Variants in HMGA2 observed in about 807,000 individuals in gnomAD.
The protein encoded by HMGA2 is high mobility group protein HMGI-C.
HMGA2 carries 8 observed loss-of-function variants against 19.1 expected under a neutral mutation model. That is an observed-to-expected ratio of 0.42 (90% confidence interval 0.25 to 0.76). The LOEUF (loss-of-function observed/expected upper bound fraction) is 0.76. Among genes scored for constraint, HMGA2 ranks in the 30% least tolerant of loss-of-function variants. The pLI is 0.28. For synonymous variants in HMGA2, 60 were observed against 48.8 expected (o/e 1.23, Z -0.96); for missense variants, 109 against 136.3 (o/e 0.80, Z 1.00).
In HMGA2 at chr12:65,838,998, C is replaced by CTTTT; in HGVS notation, c.249+438_249+441dup. Among the ~76,000 whole-genome samples the CTTTT allele has an allele frequency of 1.8e-3, 191 of 107,216 alleles. 10 individuals are homozygous for CTTTT. Among genetic ancestry groups the CTTTT allele is most frequent in the African/African-American group, 9.6e-3 (180 of 18,786 alleles). 70.3% of individuals were successfully genotyped at this position (107,216 alleles called of 152,430 possible). A position where few individuals can be genotyped will look rare whatever the true frequency, so the allele number is the denominator to read the frequency against. On this transcript the variant is annotated intron_variant, in intron 3 of 4. Coordinates refer to ENST00000403681, the MANE Select transcript of HMGA2 (RefSeq NM_003483.6). ...TTTCTTTTTCTTTCTTTTTCTTTTT[C>CTTTT]TTTTTTTTTTTTGGTTTTCTCCATG...
At chr12:65,885,569 C>T (rs1259987914) in intron 3 of HMGA2, among the ~76,000 whole-genome samples, 1 of 152,138 alleles carries the variant, frequency 6.6e-6, no homozygotes, top group Non-Finnish European at 1.5e-5. Flanking sequence ...GCACTAGCAG[C>T]CCTGGTGATA....
rs1421298978 is a variant in HMGA2 at position 65,948,088 on chromosome 12, T to C, written c.250-3295T>C. On this transcript the variant is annotated intron_variant, in intron 3 of 4. Transcript: ENST00000403681. ...GTTGTTTTGGTTTTAGAAAAAGATC[T>C]CAGACGATTATTTAAATTCCCTATG... Among the ~76,000 whole-genome samples, 4 of 152,320 alleles carry C rather than the reference T, an allele frequency of 2.6e-5. No individual in the cohort carries two copies. In the East Asian group the frequency reaches 7.7e-4, roughly 29 times the overall value.
At chr12:65,947,114 T>G (rs1876293341) in intron 3 of HMGA2, among the ~76,000 whole-genome samples, 1 of 151,984 alleles carries the variant, frequency 6.6e-6, no homozygotes, top group African/African-American at 2.4e-5. Context: ...GGTCTTTGAA[T>G]TCTCACCACT....
chr12:65,945,000 C>T (rs1219193619), intron 3 of HMGA2, among the ~76,000 whole-genome samples: 1 of 152,058 alleles, frequency 6.6e-6, no homozygotes, highest in African/African-American at 2.4e-5. Context: ...TCCCAAGTAG[C>T]TGGGACTAAA....
At chr12:65,828,144 T>C in intron 2 of HMGA2, 57 bp downstream of exon 2, 1 of 1,254,392 alleles carries the variant, frequency 8.0e-7, no homozygotes, top group Non-Finnish European at 1.2e-6. Context: ...TACAGGAGCC[T>C]GCCTGTAACT....
In HMGA2 at chr12:65,825,306, C is replaced by T; in HGVS notation, c.36C>T (p.Ser12=). ...SARGEGAGQP[S]TSAQGQPAAP... ...GCGGTGAGGGCGCGGGGCAGCCGTC[C>T]ACTTCAGCCCAGGGACAACCTGCCG... is the stretch of plus-strand genomic sequence containing the variant. The change falls in exon 1 of 5, where the codon TCC becomes TCT. Residue 12 remains serine (S), a synonymous_variant. Transcript: ENST00000403681. This position sits in a 1 kb window ranked among gnomAD's most constrained non-coding sequence, Gnocchi z 4.4. 1 of 1,536,768 alleles carries T rather than the reference C, an allele frequency of 6.5e-7. No homozygotes were observed. Among genetic ancestry groups the T allele is most frequent in the South Asian group, 1.2e-5 (1 of 83,436 alleles).
chr12:65,947,603 C>G (rs1876313700), intron 3 of HMGA2, among the ~76,000 whole-genome samples: 1 of 152,160 alleles, frequency 6.6e-6, no homozygotes, highest in Admixed American at 6.5e-5. Context: ...ATAATGAACT[C>G]AAAATCTCAG....
At chr12:65,920,707 C>T (rs1165125397) in intron 3 of HMGA2, among the ~76,000 whole-genome samples, 5 of 152,202 alleles carry the variant, frequency 3.3e-5, no homozygotes, top group Admixed American at 1.3e-4. Flanking sequence ...TGCCGTTCGC[C>T]TCCCGCTATG....
At chr12:65,911,785 G>T (rs1711624748) in intron 3 of HMGA2, among the ~76,000 whole-genome samples, 2 of 152,126 alleles carry the variant, frequency 1.3e-5, no homozygotes, top group Non-Finnish European at 2.9e-5. Context: ...CACAGAACCA[G>T]AGCATCCGTG....
rs1876817276 is a variant in HMGA2 at position 65,963,539 on chromosome 12, G to C, written c.*247G>C. 1 of 553,684 alleles carries C rather than the reference G, an allele frequency of 1.8e-6. No homozygotes were observed. The allele number at this position is 553,684 out of a possible 1,614,324, so 34.3% of individuals were successfully genotyped here. On this transcript the variant is annotated 3_prime_UTR_variant, in exon 5 of 5. Coordinates refer to ENST00000403681, the MANE Select transcript of HMGA2 (RefSeq NM_003483.6). ...TTAGTGAAAAACTGCTGTAAACACA[G>C]GGGACACAGCTTAACAATGCAACTT...
chr12:65,915,363 A>C (rs1165232975), intron 3 of HMGA2: 3 of 1,335,316 alleles, frequency 2.2e-6, no homozygotes, highest in Non-Finnish European at 2.9e-6. Flanking sequence ...AATTTGAAAA[A>C]AGTACTCACT....
chr12:65,855,925 G>C (rs1871719437), intron 3 of HMGA2: 1 of 151,156 alleles, frequency 6.6e-6, no homozygotes, highest in African/African-American at 2.4e-5. Flanking sequence ...TTGACTATTG[G>C]CACTTCAAAT....
At chr12:65,941,293 C>G (rs751363447) in intron 3 of HMGA2, among the ~76,000 whole-genome samples, 2 of 152,082 alleles carry the variant, frequency 1.3e-5, no homozygotes, top group Non-Finnish European at 2.9e-5. Flanking sequence ...CCAGAGAAGA[C>G]CGTGAAGGAA....
At chr12:65,903,578 A>C (rs1184460904) in intron 3 of HMGA2, among the ~76,000 whole-genome samples, 1 of 152,178 alleles carries the variant, frequency 6.6e-6, no homozygotes, top group Non-Finnish European at 1.5e-5. Flanking sequence ...GGTAAACAGG[A>C]GCCACTGTGA....
At chr12:65,888,458 C>G (rs1015596692) in intron 3 of HMGA2, among the ~76,000 whole-genome samples, 1 of 145,734 alleles carries the variant, frequency 6.9e-6, no homozygotes, top group Admixed American at 6.9e-5. Flanking sequence ...CAGTCCCCCC[C>G]AAAAAAAGAA....
In HMGA2 at chr12:65,964,772, C is replaced by A. The variant is rs1876860373; in HGVS notation, c.*1480C>A. On this transcript the variant is annotated 3_prime_UTR_variant, in exon 5 of 5. Transcript: ENST00000403681. The stretch of plus-strand genomic sequence containing the variant: ...AAAATTTTTAAAATACTTGTTTCAG[C>A]TTCTCTGCTAGATTTCTACATTAAC... 5.1e-6 allele frequency: 1 copy of A among 195,588 alleles called. No homozygotes were observed. The highest frequency in any genetic ancestry group is 1.1e-5 in the Non-Finnish European group (1 of 93,934). 12.1% of individuals were successfully genotyped at this position (195,588 alleles called of 1,614,324 possible). A position where few individuals can be genotyped will look rare whatever the true frequency, so the allele number is the denominator to read the frequency against.
chr12:65,907,435 G>C (rs1044389398), intron 3 of HMGA2, among the ~76,000 whole-genome samples: 1 of 150,670 alleles, frequency 6.6e-6, no homozygotes, highest in African/African-American at 2.5e-5. Context: ...AAAAAAAGGT[G>C]GGGGGTAAAG....
At chr12:65,955,215 C>T (rs558749768) in intron 4 of HMGA2, 2 of 151,998 alleles carry the variant, frequency 1.3e-5, no homozygotes, top group East Asian at 3.9e-4. Context: ...GAAAGCAGCT[C>T]GTTTTTTAGC....
At chr12:65,840,747 T>A (rs76467489) in intron 3 of HMGA2, among the ~76,000 whole-genome samples, 3,875 of 152,292 alleles carry the variant, frequency 0.025, 100 homozygotes, top group African/African-American at 0.067. Flanking sequence ...AAGACGTGTA[T>A]AATCTTTCTA....
Sources: allele counts gnomAD v4.1 joint callset (sites outside exome capture counted in the v4.1 genomes callset), GRCh38; gene constraint gnomAD v4.1.1; non-coding constraint Gnocchi (gnomAD v3.1); transcripts MANE v1.5; gene names NCBI Gene and HGNC (gene_info 2026-07-23, HGNC 2026-07-21).